The following GRID2 variants were observed in gnomAD, a reference collection of about 807,000 sequenced individuals.
GRID2 encodes glutamate ionotropic receptor delta type subunit 2, also known as glutamate receptor ionotropic, delta-2.
In GRID2, 33 loss-of-function variants were observed where a neutral mutation model predicts 114.8. That is an observed-to-expected ratio of 0.29 (90% CI 0.22 to 0.38). The LOEUF is 0.38. Ranked by LOEUF, GRID2 falls within the 10% of genes least tolerant of loss-of-function variation. GRID2 has a pLI of 1.00. For missense variants in GRID2, 1,184 were observed against 1,257.7 expected, an observed-to-expected ratio of 0.94 and a Z score of 0.89; for synonymous variants, 505 against 449.9, an observed-to-expected ratio of 1.12 and a Z score of -1.55.
chr4:93,668,052 T>G (rs940724573), intron 14 of GRID2, among the ~76,000 whole-genome samples: 5 of 152,016 alleles, frequency 3.3e-5, no homozygotes, highest in Admixed American at 1.3e-4. Flanking sequence ...ATTTTTCTCC[T>G]TATCTTCATA....
At chr4:92,316,359 G>A (rs1009545538) in intron 1 of GRID2, among the ~76,000 whole-genome samples, 2 of 152,148 alleles carry the variant, frequency 1.3e-5, no homozygotes, top group Non-Finnish European at 2.9e-5. Context: ...ATCCACAGAT[G>A]TAAGAGGGAC....
At position 93,102,974 on chromosome 4, in the gene GRID2, G is replaced by A. The variant is rs1404649989; in HGVS notation, c.530-7774G>A. On this transcript the variant is annotated intron_variant, in intron 3 of 15. Coordinates refer to ENST00000282020, the MANE Select transcript of GRID2 (RefSeq NM_001510.4). Reference sequence around the variant, plus strand: ...TCAAAGCACCCTGAAAACCAAAACAGTAACTTTTGACTTGATAAATGTAAG... The same window carrying A: ...TCAAAGCACCCTGAAAACCAAAACAATAACTTTTGACTTGATAAATGTAAG... Among the ~76,000 whole-genome samples, 5 of 151,940 alleles carry A rather than the reference G, an allele frequency of 3.3e-5. No individual in the cohort carries two copies. The East Asian group carries it at 7.8e-4, about 24-fold the overall frequency.
intron 1 of GRID2, among the ~76,000 whole-genome samples, chr4:92,544,665 G>T (rs2149166186): frequency 6.6e-6 from 1 of 152,094 alleles, no homozygotes; most frequent in South Asian, 2.1e-4. Flanking sequence ...GACCTGATGA[G>T]GTAAAGTGAC....
chr4:93,055,673 A>G (rs1184801023), intron 2 of GRID2, among the ~76,000 whole-genome samples: 1 of 151,868 alleles, frequency 6.6e-6, no homozygotes, highest in Admixed American at 6.6e-5. Context: ...TGAATAATTC[A>G]CTCTAAATTC....
intron 1 of GRID2, among the ~76,000 whole-genome samples, chr4:92,384,329 G>A (rs969777142): frequency 1.4e-5 from 2 of 143,682 alleles, no homozygotes; most frequent in Non-Finnish European, 3.0e-5. Flanking sequence ...GGCTTTATGT[G>A]GAGTACAGTT....
At chr4:92,666,650 G>GTT (rs70942922) in intron 2 of GRID2, among the ~76,000 whole-genome samples, 21 of 68,596 alleles carry the variant, frequency 3.1e-4, no homozygotes, top group East Asian at 6.1e-4. Flanking sequence ...CTTAAGGGTT[G>GTT]TTTTTTTTTT....
At chr4:92,972,233 C>T (rs1439788415) in intron 2 of GRID2, among the ~76,000 whole-genome samples, 1 of 150,638 alleles carries the variant, frequency 6.6e-6, no homozygotes, top group Non-Finnish European at 1.5e-5. Flanking sequence ...CTGATAACAG[C>T]TATCCTAACT....
chr4:92,617,349 A>G (rs1730051918), intron 2 of GRID2, among the ~76,000 whole-genome samples: 1 of 151,356 alleles, frequency 6.6e-6, no homozygotes, highest in Non-Finnish European at 1.5e-5. Context: ...TGTATTAGGT[A>G]TTTGTCCTAA....
chr4:92,929,884 C>G (rs951554153), intron 2 of GRID2, among the ~76,000 whole-genome samples: 2 of 151,224 alleles, frequency 1.3e-5, no homozygotes, highest in African/African-American at 2.4e-5. Context: ...ATACTGTTTG[C>G]TTAATAAATA....
chr4:93,627,169 AT>A (rs1369521791), intron 14 of GRID2, among the ~76,000 whole-genome samples: 3 of 152,218 alleles, frequency 2.0e-5, no homozygotes, highest in Non-Finnish European at 4.4e-5. Context: ...ACAGATTAAT[AT>A]CTTCCACATA....
chr4:93,125,621 G>A (rs1049349650), intron 4 of GRID2, among the ~76,000 whole-genome samples: 3 of 152,066 alleles, frequency 2.0e-5, no homozygotes, highest in African/African-American at 4.8e-5. Flanking sequence ...TTATTGTGTA[G>A]AAATTACTTT....
At chr4:92,716,515 T>G (rs1352400836) in intron 2 of GRID2, among the ~76,000 whole-genome samples, 1 of 152,240 alleles carries the variant, frequency 6.6e-6, no homozygotes, top group Non-Finnish European at 1.5e-5. Context: ...GCTTTGGTGA[T>G]ATAAGACCCT....
At chr4:92,543,624 A>G (rs1306349475) in intron 1 of GRID2, among the ~76,000 whole-genome samples, 1 of 152,184 alleles carries the variant, frequency 6.6e-6, no homozygotes, top group Admixed American at 6.5e-5. Context: ...TTCTAAAACC[A>G]ACACCAGAAC....
At chr4:92,731,117 A>G (rs1200390851) in intron 2 of GRID2, among the ~76,000 whole-genome samples, 1 of 151,916 alleles carries the variant, frequency 6.6e-6, no homozygotes, top group African/African-American at 2.4e-5. Context: ...TAAAAGGAAA[A>G]CCATCTATTG....
chr4:93,385,828 TA>T (rs1348365319), intron 8 of GRID2, among the ~76,000 whole-genome samples: 2 of 152,124 alleles, frequency 1.3e-5, no homozygotes, highest in Non-Finnish European at 2.9e-5. Context: ...CTAAGGTTTT[TA>T]AAAAACTGAT....
chr4:93,718,358 T>G (rs2110187438), intron 14 of GRID2, among the ~76,000 whole-genome samples: 1 of 152,326 alleles, frequency 6.6e-6, no homozygotes, highest in South Asian at 2.1e-4. Context: ...TGCTCAGTCA[T>G]ACCTCTGAGA....
chr4:92,569,729 G>C (rs1410931418), intron 1 of GRID2, among the ~76,000 whole-genome samples: 1 of 151,950 alleles, frequency 6.6e-6, no homozygotes, highest in Non-Finnish European at 1.5e-5. Flanking sequence ...CAGTGGGGTT[G>C]ATCTTTTTTC....
chr4:92,940,636 G>T (rs1010417315), intron 2 of GRID2, among the ~76,000 whole-genome samples: 9 of 152,086 alleles, frequency 5.9e-5, no homozygotes, highest in African/African-American at 1.9e-4. Context: ...GGGCATCCCT[G>T]TCTTGTGCCA....
At chr4:93,717,611 G>T in intron 14 of GRID2, among the ~76,000 whole-genome samples, 1 of 151,998 alleles carries the variant, frequency 6.6e-6, no homozygotes. Context: ...TCTTTTTTGT[G>T]TGTATTTTCG....
Sources: allele counts gnomAD v4.1 joint callset (sites outside exome capture counted in the v4.1 genomes callset), GRCh38; gene constraint gnomAD v4.1.1; transcripts MANE v1.5; gene names NCBI Gene and HGNC (gene_info 2026-07-23, HGNC 2026-07-21).